Variants in SCFD2 observed in about 807,000 individuals in gnomAD.
SCFD2 encodes sec1 family domain-containing protein 2.
SCFD2 carries 54 observed loss-of-function variants against 58.9 expected under a neutral mutation model. The ratio of observed to expected loss-of-function variants is 0.92; its 90% CI spans 0.74 to 1.15. The LOEUF is 1.15. SCFD2 is among the 50% of genes most tolerant of loss of function. SCFD2 has a pLI of 0.00. For missense variants in SCFD2, 805 were observed against 836.6 expected, an observed-to-expected ratio of 0.96 and a Z score of 0.47; for synonymous variants, 321 against 335.9, an observed-to-expected ratio of 0.96 and a Z score of 0.49.
intron 4 of SCFD2, among the ~76,000 whole-genome samples, chr4:53,239,958 G>C (rs976404144): frequency 6.6e-6 from 1 of 152,188 alleles, no homozygotes; most frequent in African/African-American, 2.4e-5. Flanking sequence ...TTGGGAGAAA[G>C]TTCAGTGTTG....
chr4:53,300,715 G>T (rs1421644427), intron 3 of SCFD2, among the ~76,000 whole-genome samples: 1 of 151,948 alleles, frequency 6.6e-6, no homozygotes, highest in Admixed American at 6.6e-5. Context: ...CACTCCTCAG[G>T]AAACGTAAAA....
At chr4:53,096,489 T>G (rs1445443050) in intron 5 of SCFD2, among the ~76,000 whole-genome samples, 1 of 152,182 alleles carries the variant, frequency 6.6e-6, no homozygotes, top group Non-Finnish European at 1.5e-5. Context: ...CATTTGTTCA[T>G]GTGTCTGTTG....
chr4:53,329,997 G>A (rs936265237), intron 2 of SCFD2, among the ~76,000 whole-genome samples: 36 of 151,918 alleles, frequency 2.4e-4, no homozygotes, highest in African/African-American at 7.2e-4. Context: ...GGGTATCAGC[G>A]ATGGAAGATG....
chr4:53,154,527 AAT>A (rs1726606592), intron 4 of SCFD2, among the ~76,000 whole-genome samples: 1 of 152,226 alleles, frequency 6.6e-6, no homozygotes, highest in African/African-American at 2.4e-5. Context: ...CAACATTGAG[AAT>A]CACATTTCAA....
chr4:53,092,028 T>C (rs1724485293), intron 5 of SCFD2, among the ~76,000 whole-genome samples: 1 of 152,052 alleles, frequency 6.6e-6, no homozygotes, highest in South Asian at 2.1e-4. Flanking sequence ...AAAGAAGACG[T>C]CAAAATTAGA....
At chr4:53,027,349 T>C (rs1220994043) in intron 5 of SCFD2, among the ~76,000 whole-genome samples, 1 of 152,124 alleles carries the variant, frequency 6.6e-6, no homozygotes, top group Non-Finnish European at 1.5e-5. Flanking sequence ...TAAAGTGGGC[T>C]GACCTGCTCA....
chr4:53,333,481 G>C lies in SCFD2; in HGVS notation c.1007+19117C>G, dbSNP rs1212754157. ...ACTATCTGATCTTTGACAAACCTGA[G>C]AAAAACAAGCAATGGGGAAAGGATT... On this transcript the variant is annotated intron_variant, in intron 2 of 8. Transcript: ENST00000401642. Among the ~76,000 whole-genome samples, 5 of 147,972 alleles carry C rather than the reference G, an allele frequency of 3.4e-5. No homozygotes were observed. In the East Asian group the frequency reaches 6.0e-4, roughly 18 times the overall value.
At chr4:53,310,444 C>G (rs17082579) in intron 3 of SCFD2, among the ~76,000 whole-genome samples, 1 of 152,070 alleles carries the variant, frequency 6.6e-6, no homozygotes, top group South Asian at 2.1e-4. Flanking sequence ...AATGTATCAG[C>G]GTTTGAGATG....
At chr4:52,973,762 A>T (rs574741700) in intron 5 of SCFD2, among the ~76,000 whole-genome samples, 1 of 152,344 alleles carries the variant, frequency 6.6e-6, no homozygotes, top group African/African-American at 2.4e-5. Flanking sequence ...CGATGCAAAA[A>T]TCCCCAATAA....
chr4:53,194,406 T>C (rs1260014905), intron 4 of SCFD2, among the ~76,000 whole-genome samples: 1 of 152,208 alleles, frequency 6.6e-6, no homozygotes, highest in African/African-American at 2.4e-5. Context: ...TTAGAACCTA[T>C]AATTATATAA....
At chr4:53,047,651 A>C (rs903214827) in intron 5 of SCFD2, among the ~76,000 whole-genome samples, 1 of 152,202 alleles carries the variant, frequency 6.6e-6, no homozygotes, top group African/African-American at 2.4e-5. Context: ...TTACGATTTT[A>C]AAATTCAGAA....
chr4:52,935,754 G>A (rs889894175), intron 5 of SCFD2, among the ~76,000 whole-genome samples: 2 of 152,120 alleles, frequency 1.3e-5, no homozygotes, highest in African/African-American at 4.8e-5. Flanking sequence ...TCAGACTTTG[G>A]GGTAGGTTTT....
chr4:52,967,306 T>C (rs920599096), intron 5 of SCFD2, among the ~76,000 whole-genome samples: 2 of 152,186 alleles, frequency 1.3e-5, no homozygotes, highest in African/African-American at 2.4e-5. Flanking sequence ...CCTCTAGTTC[T>C]GGGACCTTGC....
intron 5 of SCFD2, among the ~76,000 whole-genome samples, chr4:53,136,021 A>C (rs1223116312): frequency 1.3e-5 from 2 of 152,222 alleles, no homozygotes; most frequent in Admixed American, 6.5e-5. Flanking sequence ...AAATTATGCA[A>C]CTTCAGCACT....
intron 5 of SCFD2, among the ~76,000 whole-genome samples, chr4:52,991,299 T>C (rs901266867): frequency 2.0e-5 from 3 of 152,222 alleles, no homozygotes; most frequent in African/African-American, 7.2e-5. Context: ...GGTATTATTA[T>C]TCCTCCTATC....
intron 4 of SCFD2, among the ~76,000 whole-genome samples, chr4:53,247,814 T>C (rs1170061925): frequency 3.1e-5 from 4 of 127,188 alleles, no homozygotes; most frequent in African/African-American, 1.2e-4. Flanking sequence ...TGAGCCGAGA[T>C]TGCGCCACTG....
At chr4:53,221,635 T>C (rs1184984077) in intron 4 of SCFD2, among the ~76,000 whole-genome samples, 2 of 152,240 alleles carry the variant, frequency 1.3e-5, no homozygotes, top group African/African-American at 4.8e-5. Flanking sequence ...TAGAATATGA[T>C]TGCTTGCTTA....
intron 4 of SCFD2, among the ~76,000 whole-genome samples, chr4:53,149,384 GA>G (rs1726440192): frequency 6.6e-6 from 1 of 152,172 alleles, no homozygotes; most frequent in South Asian, 2.1e-4. Context: ...GGAACAACAT[GA>G]AACCCAAAAT....
At chr4:53,313,530 G>A (rs1392573490) in intron 3 of SCFD2, 106 bp downstream of exon 3, 16 of 1,311,518 alleles carry the variant, frequency 1.2e-5, no homozygotes, top group Non-Finnish European at 1.5e-5. Context: ...TACAAAAGTC[G>A]TTACTACTTT....
Sources: gnomAD v4.1 joint callset for allele counts (sites outside exome capture counted in the v4.1 genomes callset) on GRCh38, gnomAD v4.1.1 for gene constraint, MANE v1.5 for transcripts, NCBI Gene and HGNC (gene_info 2026-07-23, HGNC 2026-07-21) for gene names.